Variants in HS6ST3 observed in about 807,000 individuals in gnomAD.
The protein encoded by HS6ST3 is heparan-sulfate 6-O-sulfotransferase 3.
HS6ST3 carries 12 observed loss-of-function variants against 36.7 expected under a neutral mutation model. That is an observed-to-expected ratio of 0.33 (90% confidence interval 0.21 to 0.53). The LOEUF is 0.53. Among genes scored for constraint, HS6ST3 ranks in the 20% least tolerant of loss-of-function variants. HS6ST3 has a pLI of 0.95. For missense variants in HS6ST3, 584 were observed against 640.9 expected, an observed-to-expected ratio of 0.91 and a Z score of 0.96; for synonymous variants, 240 against 257.5, an observed-to-expected ratio of 0.93 and a Z score of 0.65.
chr13:96,422,839 T>C (rs1197871773), intron 1 of HS6ST3, among the ~76,000 whole-genome samples: 7 of 152,222 alleles, frequency 4.6e-5, no homozygotes, highest in African/African-American at 1.4e-4. Context: ...CATTTATCTT[T>C]TACTTTTAAA....
In HS6ST3 at chr13:96,835,331, T is replaced by C. The variant is rs2138553101; in HGVS notation, c.*2133T>C. On this transcript the variant is annotated 3_prime_UTR_variant, in exon 2 of 2. Transcript: ENST00000376705. ...AGCCATCAATGAGCTGAGAGATCAATGACTTTTTAGGCAGCTGTGTTTTTT... is the reference window on the plus strand; with the variant it reads ...AGCCATCAATGAGCTGAGAGATCAACGACTTTTTAGGCAGCTGTGTTTTTT... The C allele has an allele frequency of 6.6e-6, 1 of 152,414 alleles. No individual in the cohort carries two copies. Among genetic ancestry groups the C allele is most frequent in the African/African-American group, 2.4e-5 (1 of 41,568 alleles). The allele number at this position is 152,414 out of a possible 1,614,324, so 9.4% of individuals were successfully genotyped here.
intron 1 of HS6ST3, among the ~76,000 whole-genome samples, chr13:96,435,570 C>A (rs1261073395): frequency 6.6e-6 from 1 of 152,230 alleles, no homozygotes; most frequent in African/African-American, 2.4e-5. Context: ...ATCTGTATCC[C>A]AACTAATCTG....
intron 1 of HS6ST3, among the ~76,000 whole-genome samples, chr13:96,507,447 T>C (rs1025536178): frequency 2.0e-5 from 3 of 152,134 alleles, no homozygotes; most frequent in Admixed American, 2.0e-4. Flanking sequence ...CTCTGATCTC[T>C]GGAAGAGGAG....
At chr13:96,516,193 C>T (rs1022583707) in intron 1 of HS6ST3, among the ~76,000 whole-genome samples, 1 of 151,936 alleles carries the variant, frequency 6.6e-6, no homozygotes, top group African/African-American at 2.4e-5. Context: ...TCCTGAGTAC[C>T]TGGGACTAGA....
chr13:96,803,190 A>C (rs971805846), intron 1 of HS6ST3, among the ~76,000 whole-genome samples: 5 of 152,162 alleles, frequency 3.3e-5, no homozygotes, highest in African/African-American at 1.2e-4. Context: ...TGTTGATGCC[A>C]GTGTTGCATG....
chr13:96,107,866 C>T (rs919476451), intron 1 of HS6ST3, among the ~76,000 whole-genome samples: 5 of 152,210 alleles, frequency 3.3e-5, no homozygotes, highest in Non-Finnish European at 7.3e-5. Context: ...AATTTAATCT[C>T]TTAATCCCAT....
intron 1 of HS6ST3, among the ~76,000 whole-genome samples, chr13:96,370,692 A>G (rs916936932): frequency 6.6e-5 from 10 of 152,184 alleles, no homozygotes; most frequent in Admixed American, 3.9e-4. Context: ...CAGGCAGATC[A>G]CCTGAGATCA....
At chr13:96,659,724 A>G (rs2056639711) in intron 1 of HS6ST3, among the ~76,000 whole-genome samples, 1 of 152,100 alleles carries the variant, frequency 6.6e-6, no homozygotes, top group Admixed American at 6.5e-5. Context: ...TAGCTATCTA[A>G]TTGCTCCAGA....
At chr13:96,293,292 T>A (rs1201830688) in intron 1 of HS6ST3, among the ~76,000 whole-genome samples, 1 of 152,150 alleles carries the variant, frequency 6.6e-6, no homozygotes, top group Non-Finnish European at 1.5e-5. Context: ...TGTAATATTA[T>A]GCCTTTTCTT....
intron 1 of HS6ST3, among the ~76,000 whole-genome samples, chr13:96,786,301 T>C (rs561117352): frequency 7.2e-6 from 1 of 139,750 alleles, no homozygotes; most frequent in South Asian, 2.2e-4. Flanking sequence ...TCCAGTTCCA[T>C]GTTCATCTCC....
chr13:96,576,943 CAAAAAAAAAAAAAAA>C (rs1157924077), intron 1 of HS6ST3, among the ~76,000 whole-genome samples: 1 of 26,848 alleles, frequency 3.7e-5, no homozygotes, highest in Non-Finnish European at 7.7e-5. Context: ...GACTCTGTCT[CAAAAAAAAAAAAAAA>C]AAAAAAAAAA....
At chr13:96,180,462 A>G (rs935849287) in intron 1 of HS6ST3, among the ~76,000 whole-genome samples, 3 of 152,190 alleles carry the variant, frequency 2.0e-5, no homozygotes, top group African/African-American at 7.2e-5. Context: ...AAAAGCTTTT[A>G]TTCATAAAAC....
At chr13:96,213,495 T>C (rs1169131237) in intron 1 of HS6ST3, among the ~76,000 whole-genome samples, 3 of 152,156 alleles carry the variant, frequency 2.0e-5, no homozygotes, top group Non-Finnish European at 2.9e-5. Context: ...TCCTACCCTT[T>C]GGCCTATGGC....
intron 1 of HS6ST3, among the ~76,000 whole-genome samples, chr13:96,704,103 T>C (rs936524889): frequency 2.6e-5 from 4 of 152,154 alleles, no homozygotes; most frequent in Non-Finnish European, 4.4e-5. Context: ...AACTAATACA[T>C]AGTCCCAAGT....
At chr13:96,164,734 C>T (rs993058246) in intron 1 of HS6ST3, among the ~76,000 whole-genome samples, 3 of 152,194 alleles carry the variant, frequency 2.0e-5, no homozygotes, top group African/African-American at 7.2e-5. Flanking sequence ...TTAGTTTTAG[C>T]TCCTTTAATG....
At chr13:96,214,067 A>G (rs909820363) in intron 1 of HS6ST3, among the ~76,000 whole-genome samples, 1 of 152,212 alleles carries the variant, frequency 6.6e-6, no homozygotes, top group African/African-American at 2.4e-5. Flanking sequence ...AGGAGTTACT[A>G]ACTTGAATTT....
At chr13:96,320,294 A>G (rs1377239425) in intron 1 of HS6ST3, among the ~76,000 whole-genome samples, 1 of 152,200 alleles carries the variant, frequency 6.6e-6, no homozygotes, top group Non-Finnish European at 1.5e-5. Flanking sequence ...TCTTGTTCAC[A>G]GCTCCAAGTA....
At chr13:96,304,154 AAAT>A (rs1372906731) in intron 1 of HS6ST3, among the ~76,000 whole-genome samples, 1 of 151,844 alleles carries the variant, frequency 6.6e-6, no homozygotes, top group Non-Finnish European at 1.5e-5. Flanking sequence ...AAAAAAAAAA[AAAT>A]GTGATTTTTA....
At chr13:96,784,530 A>T (rs1288192105) in intron 1 of HS6ST3, among the ~76,000 whole-genome samples, 3 of 152,192 alleles carry the variant, frequency 2.0e-5, no homozygotes, top group Non-Finnish European at 4.4e-5. Context: ...ATTTTTTGTG[A>T]GCAGATAAAA....
Sources: allele counts gnomAD v4.1 joint callset (sites outside exome capture counted in the v4.1 genomes callset), GRCh38; gene constraint gnomAD v4.1.1; transcripts MANE v1.5; gene names NCBI Gene and HGNC (gene_info 2026-07-23, HGNC 2026-07-21).